HTR4: variants seen among roughly 807,000 people sequenced by gnomAD.
The protein encoded by HTR4 is 5-hydroxytryptamine (serotonin) receptor 4, G protein-coupled.
Under a neutral mutation model 36.8 loss-of-function variants are expected in HTR4, and 16 were observed. That is an observed-to-expected ratio of 0.43 (90% CI 0.29 to 0.66). The LOEUF (loss-of-function observed/expected upper bound fraction) is 0.66. Ranked by LOEUF, HTR4 falls within the 30% of genes least tolerant of loss-of-function variation. The pLI, the probability that HTR4 is intolerant of heterozygous loss-of-function variation, is 0.13. For missense variants in HTR4, 438 were observed against 490.9 expected (o/e 0.89, Z 1.02); for synonymous variants, 189 against 185.1 (o/e 1.02, Z -0.17).
chr5:148,557,030 G>A (rs909923652), intron 2 of HTR4, among the ~76,000 whole-genome samples: 3 of 152,174 alleles, frequency 2.0e-5, no homozygotes, highest in African/African-American at 4.8e-5. Context: ...GGGGAAATGA[G>A]CAAGGGACTG....
At chr5:148,547,414 G>A (rs1260769875) in intron 4 of HTR4, among the ~76,000 whole-genome samples, 1 of 152,018 alleles carries the variant, frequency 6.6e-6, no homozygotes, top group Admixed American at 6.6e-5. Flanking sequence ...AGCTACTCAG[G>A]AGGCTGAGGC....
At chr5:148,491,120 G>A (rs1043797320) in intron 6 of HTR4, among the ~76,000 whole-genome samples, 11 of 152,190 alleles carry the variant, frequency 7.2e-5, no homozygotes, top group Admixed American at 5.9e-4. Flanking sequence ...GTGTGCTTTG[G>A]AGGAGATTTC....
Position 148,490,692 on chromosome 5 carries a change from A to G in HTR4, c.1077-7399T>C, listed in dbSNP as rs538600837. On this transcript the variant is annotated intron_variant, in intron 6 of 6. Transcript: ENST00000377888. ...ACTTTTAATTGACTGATGGTCATCC[A>G]ATTGTCTCCTTCAACTTTACTAGGA... 127 of 1,207,592 alleles carry G rather than the reference A, an allele frequency of 1.1e-4. No homozygotes were observed. The African/African-American group carries it at 1.9e-3, about 18-fold the overall frequency. 74.8% of individuals were successfully genotyped at this position (1,207,592 alleles called of 1,614,324 possible). A position where few individuals can be genotyped will look rare whatever the true frequency, so the allele number is the denominator to read the frequency against.
intron 6 of HTR4, among the ~76,000 whole-genome samples, chr5:148,502,317 G>A (rs1413461291): frequency 6.6e-6 from 1 of 152,196 alleles, no homozygotes; most frequent in African/African-American, 2.4e-5. Flanking sequence ...GGAACGATCA[G>A]GCAGCAACAT....
chr5:148,462,871 A>T (rs1755314322), intron 5 of HTR4, among the ~76,000 whole-genome samples: 2 of 152,316 alleles, frequency 1.3e-5, no homozygotes, highest in East Asian at 3.9e-4. Context: ...AAATCAATTA[A>T]GTAATCCATC....
chr5:148,641,294 C>A (rs1020637858), intron 1 of HTR4, among the ~76,000 whole-genome samples: 1 of 152,138 alleles, frequency 6.6e-6, no homozygotes, highest in African/African-American at 2.4e-5. Context: ...AATTCAAATC[C>A]ATTAAGACCT....
intron 2 of HTR4, among the ~76,000 whole-genome samples, chr5:148,575,728 TA>T (rs1308612816): frequency 6.6e-6 from 1 of 151,182 alleles, no homozygotes; most frequent in Non-Finnish European, 1.5e-5. Context: ...TACATAGGAG[TA>T]AAAAAGTTTA....
At chr5:148,632,707 C>G (rs1753367408) in intron 2 of HTR4, among the ~76,000 whole-genome samples, 1 of 152,108 alleles carries the variant, frequency 6.6e-6, no homozygotes. Flanking sequence ...GAAAAAATTT[C>G]TTAGAAAGCA....
intron 6 of HTR4, among the ~76,000 whole-genome samples, chr5:148,491,173 T>C (rs1193635069): frequency 1.3e-5 from 2 of 152,158 alleles, no homozygotes; most frequent in African/African-American, 4.8e-5. Flanking sequence ...GTCTGTGTCC[T>C]CGCCAAGTAC....
At chr5:148,562,694 T>C (rs1227907428) in intron 2 of HTR4, among the ~76,000 whole-genome samples, 1 of 152,192 alleles carries the variant, frequency 6.6e-6, no homozygotes, top group Non-Finnish European at 1.5e-5. Context: ...AACTCCTGAT[T>C]TCCCTAACCT....
At chr5:148,520,719 T>C (rs1055866178) in intron 5 of HTR4, among the ~76,000 whole-genome samples, 2 of 152,240 alleles carry the variant, frequency 1.3e-5, no homozygotes, top group Non-Finnish European at 2.9e-5. Context: ...TAGTAAGTGT[T>C]CAACATTCAC....
chr5:148,652,967 T>G (rs1310087830), intron 1 of HTR4, among the ~76,000 whole-genome samples: 1 of 152,180 alleles, frequency 6.6e-6, no homozygotes, highest in Non-Finnish European at 1.5e-5. Flanking sequence ...CCTGACTCTT[T>G]CCTTGTTTTC....
chr5:148,473,308 A>G (rs1755617497), downstream of HTR4, among the ~76,000 whole-genome samples: 3 of 151,968 alleles, frequency 2.0e-5, no homozygotes, highest in Admixed American at 2.0e-4. Context: ...TCTCAAAAAA[A>G]AAAAAAAAAA....
intron 4 of HTR4, among the ~76,000 whole-genome samples, chr5:148,527,474 C>T (rs1393897837): frequency 2.0e-5 from 3 of 152,116 alleles, no homozygotes; most frequent in Non-Finnish European, 2.9e-5. Flanking sequence ...ATTCTGTTGT[C>T]CAAATGTTCT....
chr5:148,555,718 C>T (rs182899518), intron 2 of HTR4, among the ~76,000 whole-genome samples: 1 of 152,010 alleles, frequency 6.6e-6, no homozygotes, highest in Admixed American at 6.5e-5. Context: ...TTTTTGCTTT[C>T]TCCGTGATCT....
intron 5 of HTR4, among the ~76,000 whole-genome samples, chr5:148,513,628 T>C (rs1018842802): frequency 2.0e-5 from 3 of 152,196 alleles, no homozygotes; most frequent in African/African-American, 7.2e-5. Context: ...AGTATTTCCA[T>C]ATAAAATTTA....
rs1175194680 is a variant in HTR4, at chr5:148,581,885, A to T, written c.27-31623T>A. 2.6e-5 allele frequency among the ~76,000 whole-genome samples: 4 copies of T among 152,072 alleles called. 1 individual carries two copies. The highest frequency in any genetic ancestry group is 9.7e-5 in the African/African-American group (4 of 41,440). On this transcript the variant is annotated intron_variant, in intron 2 of 6. Coordinates refer to ENST00000377888, the MANE Select transcript of HTR4 (RefSeq NM_000870.7). Reference sequence around the variant, plus strand: ...TTATAATTATAAAAATGTTTTTAAGATTTAGCTAGGGATTACATTGAATCT... The same window carrying T: ...TTATAATTATAAAAATGTTTTTAAGTTTTAGCTAGGGATTACATTGAATCT...
At chr5:148,618,113 C>A (rs977081934) in intron 2 of HTR4, among the ~76,000 whole-genome samples, 3 of 152,120 alleles carry the variant, frequency 2.0e-5, no homozygotes, top group African/African-American at 7.2e-5. Flanking sequence ...CTGATTTAGT[C>A]CCAGGAGTCA....
chr5:148,478,918 G>C (rs1362146431), downstream of HTR4, among the ~76,000 whole-genome samples: 1 of 152,056 alleles, frequency 6.6e-6, no homozygotes, highest in Non-Finnish European at 1.5e-5. Flanking sequence ...ACTCAGAAGA[G>C]ATGGGACCTA....
Sources: gnomAD v4.1 joint callset for allele counts (sites outside exome capture counted in the v4.1 genomes callset) on GRCh38, gnomAD v4.1.1 for gene constraint, MANE v1.5 for transcripts, NCBI Gene and HGNC (gene_info 2026-07-23, HGNC 2026-07-21) for gene names.